Variants in PCDH11X observed in about 807,000 individuals in gnomAD.
The protein encoded by PCDH11X is protocadherin 11 X-linked, also known as protocadherin-11 X-linked.
Under a neutral mutation model 53.3 loss-of-function variants are expected in PCDH11X, and 18 were observed. The ratio of observed to expected loss-of-function variants is 0.34; its 90% confidence interval spans 0.23 to 0.50. The LOEUF (loss-of-function observed/expected upper bound fraction) is 0.50. PCDH11X is among the 20% of genes least tolerant of loss of function. The pLI, the probability that PCDH11X is intolerant of heterozygous loss-of-function variation, is 0.98. For missense variants in PCDH11X, 570 were observed against 1,032.4 expected (o/e 0.55, Z 6.14); for synonymous variants, 279 against 393.3 (o/e 0.71, Z 3.44).
intron 10 of PCDH11X, among the ~76,000 whole-genome samples, chrX:92,610,000 T>G (rs1927204297): frequency 8.9e-6 from 1 of 112,007 alleles, no homozygotes; most frequent in African/African-American, 3.2e-5. Flanking sequence ...CCACCACTGA[T>G]GGTCACCTAG....
At chrX:91,798,749 A>G (rs1382449079) in intron 1 of PCDH11X, among the ~76,000 whole-genome samples, 1 of 111,258 alleles carries the variant, frequency 9.0e-6, no homozygotes, top group African/African-American at 3.3e-5. Flanking sequence ...AATATTCAGT[A>G]TCACTTTGTT....
intron 6 of PCDH11X, among the ~76,000 whole-genome samples, chrX:91,996,595 C>T (rs2062426936): frequency 3.7e-5 from 1 of 27,061 alleles, no homozygotes; most frequent in Non-Finnish European, 5.9e-5. Flanking sequence ...TTTCTTTCAC[C>T]TCTATCAGAC....
At chrX:92,577,912 A>C (rs1923176562) in intron 10 of PCDH11X, among the ~76,000 whole-genome samples, 1 of 107,061 alleles carries the variant, frequency 9.3e-6, no homozygotes, top group Non-Finnish European at 1.9e-5. Context: ...TGTTTATTAT[A>C]ATTTCAGTTC....
At chrX:91,816,608 A>T (rs1257002918) in intron 4 of PCDH11X, among the ~76,000 whole-genome samples, 1 of 111,297 alleles carries the variant, frequency 9.0e-6, no homozygotes. Flanking sequence ...CTTGGAGGTC[A>T]AGGGAAAGTC....
chrX:92,258,602 C>T (rs1045068368), intron 7 of PCDH11X, among the ~76,000 whole-genome samples: 2 of 110,764 alleles, frequency 1.8e-5, no homozygotes, highest in Non-Finnish European at 3.8e-5. Context: ...CTCCTGACCT[C>T]GTGATCCACC....
intron 1 of PCDH11X, among the ~76,000 whole-genome samples, chrX:91,792,810 A>G (rs1935600145): frequency 9.0e-6 from 1 of 111,582 alleles, no homozygotes; most frequent in Admixed American, 9.6e-5. Context: ...ATATATTTTT[A>G]TATCCTATGC....
chrX:92,299,321 G>T (rs941723671), intron 8 of PCDH11X, among the ~76,000 whole-genome samples: 1 of 111,035 alleles, frequency 9.0e-6, no homozygotes, highest in African/African-American at 3.3e-5. Flanking sequence ...TAACCACTCA[G>T]TCAGTACTGA....
chrX:92,301,106 G>A (rs1188848746), intron 8 of PCDH11X, among the ~76,000 whole-genome samples: 1 of 111,311 alleles, frequency 9.0e-6, no homozygotes, highest in African/African-American at 3.3e-5. Context: ...CTGCAGTGGG[G>A]AGAGGGTGCA....
intron 6 of PCDH11X, among the ~76,000 whole-genome samples, chrX:92,004,146 G>T (rs1047607933): frequency 1.8e-5 from 2 of 111,532 alleles, no homozygotes; most frequent in Non-Finnish European, 3.8e-5. Context: ...TGACCAACTG[G>T]TCATTCAGCA....
At chrX:92,420,177 T>C (rs1246342402) in intron 9 of PCDH11X, among the ~76,000 whole-genome samples, 2 of 111,954 alleles carry the variant, frequency 1.8e-5, no homozygotes, top group Non-Finnish European at 3.8e-5. Flanking sequence ...AGTTTTACCA[T>C]GGAGTTTATC....
chrX:92,529,461 T>A (rs1470241737), intron 10 of PCDH11X, among the ~76,000 whole-genome samples: 1 of 110,306 alleles, frequency 9.1e-6, no homozygotes, highest in Non-Finnish European at 1.9e-5. Context: ...TAATGCTATA[T>A]AGCGTTCACA....
intron 6 of PCDH11X, among the ~76,000 whole-genome samples, chrX:92,177,385 G>A (rs2065927323): frequency 9.0e-6 from 1 of 111,489 alleles, no homozygotes; most frequent in Admixed American, 9.6e-5. Context: ...TTAGAGAGTG[G>A]AGGTTAAAAG....
chrX:92,258,827 A>G (rs1227215685), intron 7 of PCDH11X, among the ~76,000 whole-genome samples: 3 of 111,905 alleles, frequency 2.7e-5, no homozygotes, highest in Non-Finnish European at 5.6e-5. Context: ...CTTTGCTCAC[A>G]TGTAAGAGCA....
intron 6 of PCDH11X, among the ~76,000 whole-genome samples, chrX:92,042,512 G>C (rs2063223784): frequency 9.5e-6 from 1 of 104,887 alleles, no homozygotes; most frequent in African/African-American, 3.5e-5. Flanking sequence ...TGATTTTAGA[G>C]TAACATACAT....
intron 10 of PCDH11X, among the ~76,000 whole-genome samples, chrX:92,485,083 T>A (rs974155668): frequency 5.6e-5 from 6 of 108,103 alleles, no homozygotes; most frequent in African/African-American, 2.0e-4. Context: ...CTGAGATTTT[T>A]CAGATAATAA....
intron 8 of PCDH11X, among the ~76,000 whole-genome samples, chrX:92,370,460 CTTTTTTT>C (rs576718286): frequency 1.2e-5 from 1 of 80,307 alleles, no homozygotes; most frequent in African/African-American, 4.4e-5. Flanking sequence ...GTTCTTTTTT[CTTTTTTT>C]TTTTTTTTTT....
chrX:92,243,755 G>C (rs975731330), intron 7 of PCDH11X, among the ~76,000 whole-genome samples: 1 of 110,587 alleles, frequency 9.0e-6, no homozygotes, highest in Non-Finnish European at 1.9e-5. Context: ...TTTAATTTTG[G>C]CTTATGATAT....
intron 10 of PCDH11X, among the ~76,000 whole-genome samples, chrX:92,502,031 T>TA (rs2073968708): frequency 9.0e-6 from 1 of 110,656 alleles, no homozygotes; most frequent in African/African-American, 3.3e-5. Context: ...TCTCAAGATA[T>TA]AAAATCAATG....
At chrX:92,311,791 C>G (rs892367166) in intron 8 of PCDH11X, among the ~76,000 whole-genome samples, 2 of 110,643 alleles carry the variant, frequency 1.8e-5, no homozygotes, top group African/African-American at 6.6e-5. Flanking sequence ...ATAATTTTAA[C>G]ATGGGACATT....
Sources: allele counts gnomAD v4.1 joint callset (sites outside exome capture counted in the v4.1 genomes callset), GRCh38; gene constraint gnomAD v4.1.1; transcripts MANE v1.5; gene names NCBI Gene and HGNC (gene_info 2026-07-23, HGNC 2026-07-21).